The following HOOK2 variants were observed in gnomAD, a reference collection of about 807,000 sequenced individuals.
HOOK2 encodes the protein hook microtubule tethering protein 2.
A neutral mutation model predicts 111.9 loss-of-function variants in HOOK2; 108 were observed. That is an observed-to-expected ratio of 0.96 (90% CI 0.83 to 1.13). The LOEUF (loss-of-function observed/expected upper bound fraction) is 1.13. Ranked by LOEUF, HOOK2 falls within the 50% of genes most tolerant of loss-of-function variation. The pLI, the probability that HOOK2 is intolerant of heterozygous loss-of-function variation, is 0.00. For synonymous variants in HOOK2, 405 were observed against 394.3 expected (o/e 1.03, Z -0.32); for missense variants, 978 against 951.3 (o/e 1.03, Z -0.37).
chr19:12,775,873 CTTTTTTTTT>C (rs775787302), upstream of HOOK2, among the ~76,000 whole-genome samples: 1 of 103,848 alleles, frequency 9.6e-6, no homozygotes, highest in African/African-American at 4.8e-5. Flanking sequence ...TAAGTAAATT[CTTTTTTTTT>C]TTTTTTTTTT....
Position 12,791,665 on chromosome 19 carries a change from C to A in HOOK2, n.42-17440G>T. On this transcript the variant is annotated intron_variant and non_coding_transcript_variant, in intron 3 of 3. Transcript: ENST00000589765. The surrounding 1 kb of genome is among the most constrained non-coding windows in gnomAD (Gnocchi z 7.0). ...GCCCGCGCCAGCCCCCGAGAACGCG[C>A]GACCAGGCACCCAGTCCGGTCACCG... is the stretch of plus-strand genomic sequence containing the variant. 1.3e-6 allele frequency: 1 copy of A among 781,728 alleles called. No homozygotes were observed. Among genetic ancestry groups the A allele is most frequent in the Non-Finnish European group, 1.9e-6 (1 of 531,432 alleles). 48.4% of individuals were successfully genotyped at this position (781,728 alleles called of 1,614,324 possible).
Position 12,766,103 on chromosome 19 carries a change from C to A in HOOK2, c.1511G>T (p.Arg504Leu). The A allele has an allele frequency of 6.2e-7, 1 of 1,601,948 alleles. No individual in the cohort carries two copies. The highest frequency in any genetic ancestry group is 8.5e-7 in the Non-Finnish European group (1 of 1,177,822). Residue 504 changes from arginine to leucine, a missense_variant and splice_region_variant, in exon 15 of 23, where the codon CGG (arginine) becomes CTG (leucine). Physicochemically the swap from Arg to Leu is moderately radical, Grantham distance 102 (BLOSUM62 -2). Around this residue, in one of 5 missense-constraint regions of HOOK2, gnomAD observed 388 missense variants for 358.3 expected, o/e 1.08. Coordinates refer to ENST00000397668, the MANE Select transcript of HOOK2 (RefSeq NM_013312.3). ...CGCAGGTAGGTCCCCAGGCGCTCAC[C>A]GGTGCTGCGTCTCCAACCCGTGGCG... is the stretch of plus-strand genomic sequence containing the variant. The part of the protein sequence containing the change: ...RARHGLETQH[R>L]LNQQQLSELR...
At chr19:12,783,052 G>A (rs1237701734), upstream of HOOK2, among the ~76,000 whole-genome samples, 1 of 152,102 alleles carries the variant, frequency 6.6e-6, no homozygotes, top group Non-Finnish European at 1.5e-5. Flanking sequence ...TCGCCCGGGC[G>A]TGCGTGACTC....
chr19:12,787,058 C>G (rs1367183235), intron 3 of HOOK2: 1 of 152,754 alleles, frequency 6.5e-6, no homozygotes, highest in African/African-American at 2.4e-5. Context: ...GTCCCAGTTA[C>G]TCTGGAGGCT....
upstream of HOOK2, chr19:12,778,536 C>G (rs570887362): frequency 8.5e-5 from 13 of 152,286 alleles, no homozygotes; most frequent in African/African-American, 3.1e-4. Context: ...CTCGCATTCA[C>G]CAGAGGAGAG....
At chr19:12,787,436 G>T (rs1392023048) in intron 3 of HOOK2, among the ~76,000 whole-genome samples, 1 of 151,928 alleles carries the variant, frequency 6.6e-6, no homozygotes, top group Non-Finnish European at 1.5e-5. Context: ...TTCGAGACCG[G>T]CTTGGCCAAC....
At chr19:12,773,140 T>C in intron 3 of HOOK2, 96 bp from the exon 4 acceptor site, 1 of 1,218,576 alleles carries the variant, frequency 8.2e-7, no homozygotes, top group Non-Finnish European at 1.2e-6. Context: ...CCTTCCCTGC[T>C]CATCTCATCC....
chr19:12,764,383 G>A (rs117157640), intron 20 of HOOK2: 6,216 of 143,690 alleles, frequency 0.043, 189 homozygotes, highest in Middle Eastern at 0.072. Context: ...AGGCTGGAGC[G>A]CAGTGGCACA....
Position 12,763,243 on chromosome 19 carries a change from G to A in HOOK2, c.*39C>T. 6.3e-7 allele frequency: 1 copy of A among 1,591,430 alleles called. No individual in the cohort carries two copies. The highest frequency in any genetic ancestry group is 8.6e-7 in the Non-Finnish European group (1 of 1,165,386). ...GCGCCATGTGAGCTGGAGGAAGCCA[G>A]GGTGGGTGGAGCCCAGGCTGGCTTG... On this transcript the variant is annotated 3_prime_UTR_variant, in exon 23 of 23. Coordinates refer to ENST00000397668, the MANE Select transcript of HOOK2 (RefSeq NM_013312.3).
upstream of HOOK2, among the ~76,000 whole-genome samples, chr19:12,777,436 C>T (rs1968548899): frequency 6.6e-6 from 1 of 152,134 alleles, no homozygotes; most frequent in Non-Finnish European, 1.5e-5. Context: ...GCCGTGGTCG[C>T]GCCACTGCAC....
At chr19:12,784,521 CAA>C (rs1488162818) in intron 3 of HOOK2, 4 of 152,424 alleles carry the variant, frequency 2.6e-5, no homozygotes, top group Admixed American at 1.3e-4. Context: ...ATGATAGACA[CAA>C]ACACACAGAG....
chr19:12,775,383 C>G (rs1457680661), intron 1 of HOOK2, 22 bp downstream of exon 1: 1 of 1,609,768 alleles, frequency 6.2e-7, no homozygotes, highest in Non-Finnish European at 8.5e-7. Context: ...TCACCTTCCC[C>G]TAGCCCCGCC....
rs762995860 is a variant in HOOK2 at position 12,771,078 on chromosome 19, G to A, written c.762-6C>T. 2.1e-5 allele frequency: 34 copies of A among 1,612,182 alleles called. 1 individual carries two copies. In the South Asian group the frequency reaches 3.5e-4, roughly 17 times the overall value. On this transcript the variant is annotated splice_polypyrimidine_tract_variant and splice_region_variant and intron_variant, in intron 9 of 22. Transcript: ENST00000397668. ...CCTCCCTGCCACTCTCCAGCCTGGG[G>A]GTGTTGGGGGAAGAGCACATGAGGG...
At chr19:12,782,930 A>G (rs1299022791), upstream of HOOK2, among the ~76,000 whole-genome samples, 1 of 148,264 alleles carries the variant, frequency 6.7e-6, no homozygotes, top group African/African-American at 2.5e-5. Context: ...CCGCGTAGCC[A>G]GGCGCGTGTT....
At chr19:12,775,690 G>C, upstream of HOOK2, 1 of 384,368 alleles carries the variant, frequency 2.6e-6, no homozygotes, top group Non-Finnish European at 4.5e-6. Context: ...GCACCGTTCG[G>C]GCGCCCGCCC....
intron 3 of HOOK2, among the ~76,000 whole-genome samples, chr19:12,783,951 A>T (rs372661389): frequency 8.6e-4 from 130 of 151,890 alleles, no homozygotes; most frequent in African/African-American, 2.9e-3. Context: ...ATGAGGCACA[A>T]CCTGTTGGGC....
chr19:12,768,989 G>A (rs1259725437), intron 11 of HOOK2, among the ~76,000 whole-genome samples: 5 of 144,256 alleles, frequency 3.5e-5, no homozygotes, highest in Admixed American at 7.0e-5. Context: ...TTTTCGAGAC[G>A]GAGTCTTGCT....
chr19:12,768,592 TA>T (rs1333224236), intron 11 of HOOK2, among the ~76,000 whole-genome samples: 2 of 152,178 alleles, frequency 1.3e-5, no homozygotes, highest in Admixed American at 6.5e-5. Flanking sequence ...TGATGCTCAG[TA>T]GGTAAAGTAT....
intron 3 of HOOK2, chr19:12,773,959 A>C (rs914690223): frequency 6.5e-5 from 10 of 153,182 alleles, no homozygotes; most frequent in African/African-American, 2.4e-4. Flanking sequence ...TGCCTGGAAC[A>C]CCGTTCCCCC....
Sources: allele counts gnomAD v4.1 joint callset (sites outside exome capture counted in the v4.1 genomes callset), GRCh38; gene constraint gnomAD v4.1.1; regional missense constraint gnomAD v4.1.1; non-coding constraint Gnocchi (gnomAD v3.1); transcripts MANE v1.5; gene names NCBI Gene and HGNC (gene_info 2026-07-23, HGNC 2026-07-21).